The following WNT3 variants were observed in gnomAD, a reference collection of about 807,000 sequenced individuals.
WNT3 encodes the protein proto-oncogene Wnt-3.
A neutral mutation model predicts 34.2 loss-of-function variants in WNT3; 7 were observed. That is an observed-to-expected ratio of 0.20 (90% confidence interval 0.12 to 0.38). The LOEUF is 0.38. WNT3 is among the 10% of genes least tolerant of loss of function. The pLI is 1.00. For missense variants in WNT3, 267 were observed against 499.8 expected (o/e 0.53, Z 4.44); for synonymous variants, 212 against 211.5 (o/e 1.00, Z -0.02).
rs965953785 is a variant in WNT3 at position 46,768,224 on chromosome 17, A to C, written c.*8+88T>G. ...GTGTCTTGGATAGCTTAGAAACAGA[A>C]GGGGGTCGTCAAGAAGACGAGATGG... is the stretch of plus-strand genomic sequence containing the variant. On this transcript the variant is annotated intron_variant, in intron 4 of 4. Transcript: ENST00000225512. The surrounding 1 kb of genome is among the most constrained non-coding windows in gnomAD (Gnocchi z 5.0). 1 of 1,571,804 alleles carries C rather than the reference A, an allele frequency of 6.4e-7. No individual in the cohort carries two copies. The highest frequency in any genetic ancestry group is 1.3e-5 in the African/African-American group (1 of 74,142).
At chr17:46,815,274 C>G (rs935166735) in intron 1 of WNT3, among the ~76,000 whole-genome samples, 1 of 152,162 alleles carries the variant, frequency 6.6e-6, no homozygotes, top group Non-Finnish European at 1.5e-5. Context: ...TTTCCTGTCC[C>G]GGCTCTGTCA....
intron 1 of WNT3, among the ~76,000 whole-genome samples, chr17:46,811,418 G>A (rs2084274075): frequency 6.6e-6 from 1 of 152,192 alleles, no homozygotes; most frequent in Non-Finnish European, 1.5e-5. Context: ...TGACATGAGG[G>A]TATGGGGCCG....
intron 1 of WNT3, among the ~76,000 whole-genome samples, chr17:46,817,020 C>T (rs746411100): frequency 1.6e-4 from 24 of 152,194 alleles, no homozygotes; most frequent in South Asian, 6.2e-4. Flanking sequence ...CCCAGCCCCC[C>T]GGAAAAGTGT....
At chr17:46,806,983 G>A (rs2084206147) in intron 1 of WNT3, among the ~76,000 whole-genome samples, 2 of 152,214 alleles carry the variant, frequency 1.3e-5, no homozygotes, top group South Asian at 4.1e-4. Context: ...CGGCTTCCAA[G>A]GCAAGGGAGG....
At position 46,768,367 on chromosome 17, in the gene WNT3, TGAC is replaced by T. The variant is rs2059333781; in HGVS notation, c.1018_1020del (p.Val340del). The T allele has an allele frequency of 6.2e-7, 1 of 1,613,766 alleles. No individual in the cohort carries two copies. The highest frequency in any genetic ancestry group is 8.5e-7 in the Non-Finnish European group (1 of 1,180,044). On this transcript the variant is annotated inframe_deletion, in exon 4 of 5. Coordinates refer to ENST00000225512, the MANE Select transcript of WNT3 (RefSeq NM_030753.5). This position sits in a 1 kb window ranked among gnomAD's most constrained non-coding sequence, Gnocchi z 5.0. ...TAGATGCGAATACACTCCTGGCAGC[TGAC>T]GTAGCAGCACCAGTGGAAGATGCAG...
chr17:46,767,787 GT>G (rs888584353), intron 4 of WNT3, among the ~76,000 whole-genome samples: 24 of 151,472 alleles, frequency 1.6e-4, no homozygotes, highest in African/African-American at 5.8e-4. Flanking sequence ...TTTTTTGTTT[GT>G]TTGTTTGTTT....
intron 4 of WNT3, among the ~76,000 whole-genome samples, chr17:46,765,989 G>C (rs2059309320): frequency 1.3e-5 from 2 of 152,216 alleles, no homozygotes; most frequent in Admixed American, 1.3e-4. Context: ...CAGAGAAGGG[G>C]TTCCGGGTAG....
Position 46,768,086 on chromosome 17 carries a change from C to G in WNT3, c.*8+226G>C, listed in dbSNP as rs1424331018. The stretch of plus-strand genomic sequence containing the variant: ...TACAGGCGTGAGCCACCGCACCCGG[C>G]CAACACTGGGTTTTTATCTGTGCTT... On this transcript the variant is annotated intron_variant, in intron 4 of 4. Transcript: ENST00000225512. The surrounding 1 kb of genome is among the most constrained non-coding windows in gnomAD (Gnocchi z 5.0). 6.6e-6 allele frequency among the ~76,000 whole-genome samples: 1 copy of G among 152,224 alleles called. No homozygotes were observed. The highest frequency in any genetic ancestry group is 2.4e-5 in the African/African-American group (1 of 41,462).
intron 4 of WNT3, among the ~76,000 whole-genome samples, chr17:46,765,832 C>T (rs1338979537): frequency 6.6e-6 from 1 of 152,236 alleles, no homozygotes; most frequent in Admixed American, 6.5e-5. Flanking sequence ...CAACCCTACA[C>T]AGAACACAGT....
intron 4 of WNT3, among the ~76,000 whole-genome samples, chr17:46,766,475 T>C (rs551097981): frequency 1.3e-5 from 2 of 151,180 alleles, no homozygotes; most frequent in South Asian, 4.2e-4. Flanking sequence ...AAACTGGCGC[T>C]CCCAGGCCAG....
Position 46,818,663 on chromosome 17 carries a change from T to G in WNT3, c.-66A>C, listed in dbSNP as rs1198766941. The G allele has an allele frequency of 7.0e-7, 1 of 1,433,522 alleles. No individual in the cohort carries two copies. The highest frequency in any genetic ancestry group is 9.6e-7 in the Non-Finnish European group (1 of 1,039,060). 88.8% of individuals were successfully genotyped at this position (1,433,522 alleles called of 1,614,324 possible). A position where few individuals can be genotyped will look rare whatever the true frequency, so the allele number is the denominator to read the frequency against. On this transcript the variant is annotated 5_prime_UTR_variant, in exon 1 of 5. Transcript: ENST00000225512. ...AGAGGGGGAGCGACGCCCCCAATAG[T>G]TGGAACAAAGTCCACTTGAGATTGG...
At position 46,762,531 on chromosome 17, in the gene WNT3, A is replaced by C. The variant is rs2059278566; in HGVS notation, c.*2099T>G. On this transcript the variant is annotated 3_prime_UTR_variant, in exon 5 of 5. Coordinates refer to ENST00000225512, the MANE Select transcript of WNT3 (RefSeq NM_030753.5). ...TTTTAGGTTTGTTTACCTTCTCTTT[A>C]ATGACTTAACAGAAAAAAACTGCAT... 1 of 151,762 alleles carries C rather than the reference A, an allele frequency of 6.6e-6. No homozygotes were observed. Among genetic ancestry groups the C allele is most frequent in the African/African-American group, 2.4e-5 (1 of 41,340 alleles). The allele number at this position is 151,762 out of a possible 1,614,324, so 9.4% of individuals were successfully genotyped here.
rs562176880 is a variant in WNT3 at position 46,786,706 on chromosome 17, C to G, written c.81-12797G>C. 4.6e-5 allele frequency among the ~76,000 whole-genome samples: 7 copies of G among 152,304 alleles called. No homozygotes were observed. The South Asian group carries it at 6.2e-4, about 14-fold the overall frequency. On this transcript the variant is annotated intron_variant, in intron 1 of 4. Transcript: ENST00000225512. ...CAGACACACAAAGGGGTGCCGTGCT[C>G]TCTGTTACTGAGGATGTCATCAAGG...
At chr17:46,804,696 G>A (rs900954920) in intron 1 of WNT3, among the ~76,000 whole-genome samples, 1 of 152,250 alleles carries the variant, frequency 6.6e-6, no homozygotes, top group Non-Finnish European at 1.5e-5. Context: ...AATGAGAGAT[G>A]AGGCCAGCCG....
chr17:46,779,231 C>T (rs774733245), intron 1 of WNT3, among the ~76,000 whole-genome samples: 5 of 152,166 alleles, frequency 3.3e-5, no homozygotes, highest in Non-Finnish European at 7.3e-5. Flanking sequence ...TCCCGGCATC[C>T]GGAGCTTCCG....
intron 1 of WNT3, among the ~76,000 whole-genome samples, chr17:46,810,051 G>A (rs1382869887): frequency 7.0e-6 from 1 of 143,406 alleles, no homozygotes; most frequent in African/African-American, 2.6e-5. Context: ...TTGTTGCCCA[G>A]GCTGGAAGGC....
At chr17:46,776,804 C>A (rs1207163435) in intron 1 of WNT3, among the ~76,000 whole-genome samples, 1 of 152,092 alleles carries the variant, frequency 6.6e-6, no homozygotes, top group Non-Finnish European at 1.5e-5. Flanking sequence ...GACCCAGAGC[C>A]CTATATGGGA....
intron 1 of WNT3, among the ~76,000 whole-genome samples, chr17:46,811,450 T>G (rs1197284768): frequency 3.9e-5 from 6 of 152,308 alleles, no homozygotes. Flanking sequence ...AGAACCGTTG[T>G]GCACCTGGGG....
At chr17:46,801,506 G>A (rs764873873) in intron 1 of WNT3, among the ~76,000 whole-genome samples, 9 of 122,708 alleles carry the variant, frequency 7.3e-5, no homozygotes, top group Non-Finnish European at 1.3e-4. Context: ...TGTAATCCCA[G>A]CAACTTGGGA....
Sources: allele counts gnomAD v4.1 joint callset (sites outside exome capture counted in the v4.1 genomes callset), GRCh38; gene constraint gnomAD v4.1.1; non-coding constraint Gnocchi (gnomAD v3.1); transcripts MANE v1.5; gene names NCBI Gene and HGNC (gene_info 2026-07-23, HGNC 2026-07-21).